Variants in PFKFB1 observed in about 807,000 individuals in gnomAD.
PFKFB1 encodes 6-phosphofructo-2-kinase/fructose-2,6-bisphosphatase 1.
A neutral mutation model predicts 46.4 loss-of-function variants in PFKFB1; 34 were observed. That is an observed-to-expected ratio of 0.73 (90% CI 0.56 to 0.98). The LOEUF (loss-of-function observed/expected upper bound fraction) is 0.98, where lower values mean the gene tolerates loss of function less well. Among genes scored for constraint, PFKFB1 ranks in the 50% least tolerant of loss-of-function variants. The pLI is 0.00. For synonymous variants in PFKFB1, 119 were observed against 133.8 expected, an observed-to-expected ratio of 0.89 and a Z score of 0.76; for missense variants, 393 against 376.3, an observed-to-expected ratio of 1.04 and a Z score of -0.37.
chrX:54,981,486 C>T (rs1569547259), intron 1 of PFKFB1, among the ~76,000 whole-genome samples: 1 of 111,179 alleles, frequency 9.0e-6, no homozygotes, highest in African/African-American at 3.3e-5. Flanking sequence ...AGAAATAAGT[C>T]TCTTCAAGAA....
chrX:54,980,710 AACACACACACACACACACAC>A (rs751759536), intron 1 of PFKFB1, among the ~76,000 whole-genome samples: 15 of 83,386 alleles, frequency 1.8e-4, no homozygotes, highest in Non-Finnish European at 2.3e-4. Context: ...AAAAAAAGCC[AACACACACACACACACACAC>A]ACACACACAC....
chrX:54,934,890 A>G, intron 12 of PFKFB1, 57 bp downstream of exon 12: 1 of 980,665 alleles, frequency 1.0e-6, no homozygotes, highest in South Asian at 2.0e-5. Flanking sequence ...GGTAGGCACT[A>G]GGGCCATGCT....
chrX:54,990,100 C>G (rs1935203862), intron 1 of PFKFB1, among the ~76,000 whole-genome samples: 1 of 110,798 alleles, frequency 9.0e-6, no homozygotes, highest in Non-Finnish European at 1.9e-5. Flanking sequence ...ATGAGCTGAG[C>G]AGCAGGCAAC....
intron 12 of PFKFB1, 24 bp downstream of exon 12, chrX:54,934,923 T>A: frequency 1.7e-6 from 2 of 1,167,085 alleles, no homozygotes; most frequent in Non-Finnish European, 2.3e-6. Flanking sequence ...ATGCCTGTCC[T>A]TTGATCAGGG....
chrX:54,989,462 G>A (rs1453349347), intron 1 of PFKFB1, among the ~76,000 whole-genome samples: 2 of 111,288 alleles, frequency 1.8e-5, no homozygotes, highest in African/African-American at 6.5e-5. Flanking sequence ...TTGTAACTAC[G>A]AACTTTCAAG....
chrX:54,980,318 T>C (rs1005439813), intron 1 of PFKFB1, among the ~76,000 whole-genome samples: 9 of 106,225 alleles, frequency 8.5e-5, no homozygotes, highest in African/African-American at 2.7e-4. Context: ...TGATTTAACA[T>C]ACACACACAC....
chrX:54,998,678 G>A (rs1386359049), upstream of PFKFB1: 1 of 371,995 alleles, frequency 2.7e-6, no homozygotes, highest in Non-Finnish European at 4.7e-6. Context: ...TTGCCCCAAA[G>A]GTCAGAACTA....
intron 1 of PFKFB1, among the ~76,000 whole-genome samples, chrX:54,991,535 C>CTG (rs1289193144): frequency 5.8e-4 from 51 of 87,287 alleles, no homozygotes; most frequent in African/African-American, 1.7e-3. Context: ...CCCTCTCTCT[C>CTG]TCTCTGTGTG....
chrX:54,937,240 G>C (rs1933434101), intron 11 of PFKFB1, among the ~76,000 whole-genome samples: 1 of 111,841 alleles, frequency 8.9e-6, no homozygotes, highest in Non-Finnish European at 1.9e-5. Context: ...TTTCCAGATT[G>C]AGGCAGACTG....
rs34971789 is a variant in PFKFB1 at position 54,951,895 on chromosome X, C to T, written c.846+10G>A. The T allele has an allele frequency of 1.1e-4, 130 of 1,181,223 alleles. No homozygotes were observed. The East Asian group carries it at 3.9e-3, about 35-fold the overall frequency. The stretch of plus-strand genomic sequence containing the variant: ...AGCCAACCCATCTGGGTGTGTGTGG[C>T]CCACCCTACCTGCTTGCCGCGAACT... On this transcript the variant is annotated intron_variant, in intron 8 of 13. Coordinates refer to ENST00000375006, the MANE Select transcript of PFKFB1 (RefSeq NM_002625.4).
intron 2 of PFKFB1, 150 bp downstream of exon 2, chrX:54,963,107 A>T: frequency 1.9e-6 from 1 of 522,305 alleles, no homozygotes; most frequent in Non-Finnish European, 3.3e-6. Context: ...AATGTATAAG[A>T]ATGTAGTAAT....
chrX:54,972,714 T>C (rs1001410920), intron 1 of PFKFB1, among the ~76,000 whole-genome samples: 7 of 111,741 alleles, frequency 6.3e-5, no homozygotes, highest in Non-Finnish European at 1.1e-4. Flanking sequence ...GATAAGCTTT[T>C]TGATGTGCTG....
chrX:54,993,916 C>T lies in PFKFB1; in HGVS notation c.92G>A (p.Arg31Lys). The stretch of plus-strand genomic sequence containing the variant: ...CGGAAGCAAACCCCACTTACAGCCC[C>T]TTCTCCGTTGCAGCCTGCTGCTGCC... ...SSGSSRLQRR[R>K]GSSIPQFTNS... is the part of the protein sequence containing the mutation. The change falls in exon 1 of 14, where the codon AGG (arginine) becomes AAG (lysine). Residue 31 changes from arginine to lysine, a missense_variant. By Grantham distance (26) the Arg-to-Lys change is conservative. Coordinates refer to ENST00000375006, the MANE Select transcript of PFKFB1 (RefSeq NM_002625.4). 1 of 1,205,255 alleles carries T rather than the reference C, an allele frequency of 8.3e-7. No individual in the cohort carries two copies. The highest frequency in any genetic ancestry group is 1.1e-6 in the Non-Finnish European group (1 of 892,280).
intron 1 of PFKFB1, among the ~76,000 whole-genome samples, chrX:54,992,042 C>T (rs1351539878): frequency 9.0e-6 from 1 of 111,434 alleles, no homozygotes; most frequent in East Asian, 2.8e-4. Context: ...ATTGTCCAGA[C>T]TTGGCAACCA....
intron 9 of PFKFB1, among the ~76,000 whole-genome samples, chrX:54,947,456 G>A (rs1234043653): frequency 8.9e-6 from 1 of 112,038 alleles, no homozygotes; most frequent in Non-Finnish European, 1.9e-5. Flanking sequence ...GAAATAAGAA[G>A]CCACCAAACT....
intron 1 of PFKFB1, among the ~76,000 whole-genome samples, chrX:54,977,784 G>A (rs933472644): frequency 3.6e-5 from 4 of 110,737 alleles, no homozygotes; most frequent in African/African-American, 9.8e-5. Context: ...AAAAAGTAAC[G>A]AAGTGCTAGA....
intron 1 of PFKFB1, among the ~76,000 whole-genome samples, chrX:54,970,605 A>C (rs1188583138): frequency 1.7e-5 from 1 of 60,163 alleles, no homozygotes; most frequent in Non-Finnish European, 2.9e-5. Context: ...TTTGTTCTTG[A>C]GATAGTTTAC....
intron 1 of PFKFB1, among the ~76,000 whole-genome samples, chrX:54,966,180 T>A (rs1429636006): frequency 8.9e-6 from 1 of 112,124 alleles, no homozygotes; most frequent in Non-Finnish European, 1.9e-5. Flanking sequence ...AGGATCCAAC[T>A]ACATGCCATT....
chrX:54,987,607 ATTATAC>A (rs1461491976), intron 1 of PFKFB1, among the ~76,000 whole-genome samples: 4 of 111,035 alleles, frequency 3.6e-5, no homozygotes, highest in Non-Finnish European at 7.6e-5. Flanking sequence ...ATATGTATAT[ATTATAC>A]TTATACTTTT....
Sources: allele counts gnomAD v4.1 joint callset (sites outside exome capture counted in the v4.1 genomes callset), GRCh38; gene constraint gnomAD v4.1.1; transcripts MANE v1.5; gene names NCBI Gene and HGNC (gene_info 2026-07-23, HGNC 2026-07-21).